The following AKAP12 variants were observed in gnomAD, a reference collection of about 807,000 sequenced individuals.
AKAP12 encodes the protein A-kinase anchoring protein 12.
A neutral mutation model predicts 79.9 loss-of-function variants in AKAP12; 32 were observed. That is an observed-to-expected ratio of 0.40 (90% CI 0.30 to 0.54). The LOEUF (loss-of-function observed/expected upper bound fraction) is 0.54, where lower values mean the gene tolerates loss of function less well. Ranked by LOEUF, AKAP12 falls within the 20% of genes least tolerant of loss-of-function variation. The pLI, the probability that AKAP12 is intolerant of heterozygous loss-of-function variation, is 0.48. For missense variants in AKAP12, 2,074 were observed against 2,177.0 expected, an observed-to-expected ratio of 0.95 and a Z score of 0.94; for synonymous variants, 808 against 857.0, an observed-to-expected ratio of 0.94 and a Z score of 1.00.
rs190892083 is a variant in AKAP12 at position 151,301,264 on chromosome 6, G to A, written c.163-4483G>A. Among the ~76,000 whole-genome samples the A allele has an allele frequency of 2.8e-4, 42 of 152,304 alleles. 1 individual carries two copies. Among genetic ancestry groups the A allele is most frequent in the Non-Finnish European group, 1.3e-4 (9 of 68,026 alleles). ...ATTTGAGTTGCAGACAGGAGAGACT[G>A]ATTGAAGTTAAGCAAGGTGCGTGTT... On this transcript the variant is annotated intron_variant, in intron 2 of 4. Transcript: ENST00000402676.
In AKAP12 at chr6:151,339,371, A is replaced by G. The variant is rs78705216; in HGVS notation, c.320-9340A>G. Among the ~76,000 whole-genome samples, 1,051 of 152,284 alleles carry G rather than the reference A, an allele frequency of 6.9e-3. 13 individuals are homozygous for G. The highest frequency in any genetic ancestry group is 0.024 in the Middle Eastern group (7 of 294). On this transcript the variant is annotated intron_variant, in intron 3 of 4. Transcript: ENST00000402676. ...AGCCAGCCTTTGGCCCTCCTGAGAT[A>G]CCACACACCTATATGACGTTGGTCA...
chr6:151,310,231 G>A (rs1453783137), intron 3 of AKAP12, among the ~76,000 whole-genome samples: 1 of 152,070 alleles, frequency 6.6e-6, no homozygotes, highest in African/African-American at 2.4e-5. Context: ...GGGCGTGGAT[G>A]GCAGATGCCT....
Position 151,352,121 on chromosome 6 carries a change from G to A in AKAP12, c.3730G>A (p.Glu1244Lys), listed in dbSNP as rs775378814. ...ACAATCAAAGATGGAAGACACTCTA[G>A]AGCATACAGATAAAGAGGTGTCAGT... is the stretch of plus-strand genomic sequence containing the variant. ...KEQSKMEDTL[E>K]HTDKEVSVET... Residue 1244 changes from glutamate (E) to lysine (K), a missense_variant, in exon 4 of 5, where the codon GAG becomes AAG. Physicochemically the swap from Glu to Lys is moderately conservative, Grantham distance 56 (BLOSUM62 1). Coordinates refer to ENST00000402676, the MANE Select transcript of AKAP12 (RefSeq NM_005100.4). 15 of 1,614,142 alleles carry A rather than the reference G, an allele frequency of 9.3e-6. No individual in the cohort carries two copies. Among genetic ancestry groups the A allele is most frequent in the Non-Finnish European group, 1.3e-5 (15 of 1,180,020 alleles).
intron 2 of AKAP12, among the ~76,000 whole-genome samples, chr6:151,244,702 A>G (rs1377912130): frequency 1.3e-5 from 2 of 152,238 alleles, no homozygotes; most frequent in East Asian, 3.8e-4. Context: ...AATTTAAGGC[A>G]AGAATTATAT....
At chr6:151,324,090 G>A (rs1249572099) in intron 3 of AKAP12, 16 of 985,230 alleles carry the variant, frequency 1.6e-5, no homozygotes, top group Middle Eastern at 5.2e-4. Flanking sequence ...CCAGAAGGAT[G>A]GTCAGTACCA....
At chr6:151,287,610 G>A (rs891816703) in intron 2 of AKAP12, among the ~76,000 whole-genome samples, 1 of 152,170 alleles carries the variant, frequency 6.6e-6, no homozygotes, top group African/African-American at 2.4e-5. Flanking sequence ...CTTTTACACC[G>A]TTGGTCGGAG....
chr6:151,264,640 C>T (rs1480338784), intron 2 of AKAP12, among the ~76,000 whole-genome samples: 2 of 146,846 alleles, frequency 1.4e-5, no homozygotes, highest in African/African-American at 5.0e-5. Flanking sequence ...CACTGAACTC[C>T]AGCCTGGGTG....
intron 2 of AKAP12, among the ~76,000 whole-genome samples, chr6:151,282,254 C>A (rs1237662143): frequency 6.6e-6 from 1 of 151,966 alleles, no homozygotes; most frequent in Non-Finnish European, 1.5e-5. Context: ...GGACTACAGG[C>A]GCGTGCCACC....
chr6:151,281,827 A>C (rs1333487339), intron 2 of AKAP12, among the ~76,000 whole-genome samples: 1 of 151,808 alleles, frequency 6.6e-6, no homozygotes, highest in African/African-American at 2.4e-5. Flanking sequence ...CTAGGAATAC[A>C]GGCCTACACC....
chr6:151,349,210 A>G lies in AKAP12; in HGVS notation c.819A>G (p.Gln273=), dbSNP rs1345877578. 1 of 1,613,954 alleles carries G rather than the reference A, an allele frequency of 6.2e-7. No homozygotes were observed. Among genetic ancestry groups the G allele is most frequent in the South Asian group, 1.1e-5 (1 of 91,084 alleles). ...GCAAAGAGGAAGGAGAAGAGAAACAAGAAAAAGAACCTAGCAAGTCTGCAG... is the reference window on the plus strand; with the variant it reads ...GCAAAGAGGAAGGAGAAGAGAAACAGGAAAAAGAACCTAGCAAGTCTGCAG... ...EECKEEGEEK[Q]EKEPSKSAES... Residue 273 remains glutamine (Q), a synonymous_variant, in exon 4 of 5, where the codon CAA becomes CAG. Coordinates refer to ENST00000402676, the MANE Select transcript of AKAP12 (RefSeq NM_005100.4).
chr6:151,298,189 G>T (rs535548341), intron 2 of AKAP12, among the ~76,000 whole-genome samples: 3 of 152,050 alleles, frequency 2.0e-5, no homozygotes, highest in Non-Finnish European at 4.4e-5. Flanking sequence ...GGCGGCCCTC[G>T]TCCATTTAGA....
chr6:151,300,666 C>T (rs1372567293), intron 2 of AKAP12, among the ~76,000 whole-genome samples: 1 of 151,592 alleles, frequency 6.6e-6, no homozygotes, highest in East Asian at 1.9e-4. Context: ...GGTTGTTGTT[C>T]TTACAGAAAT....
intron 3 of AKAP12, among the ~76,000 whole-genome samples, chr6:151,342,669 C>CT (rs1418630985): frequency 2.6e-5 from 4 of 152,188 alleles, no homozygotes; most frequent in African/African-American, 9.7e-5. Context: ...TAAAATTTTT[C>CT]TATATACATT....
chr6:151,354,198 T>A (rs550399311), intron 4 of AKAP12, among the ~76,000 whole-genome samples: 11 of 151,542 alleles, frequency 7.3e-5, no homozygotes, highest in Non-Finnish European at 1.6e-4. Context: ...AATGGGCTAA[T>A]ATTAAACTGC....
At chr6:151,305,633 TC>T (rs906150322) in intron 2 of AKAP12, 113 bp from the exon 3 acceptor site, 3 of 1,069,286 alleles carry the variant, frequency 2.8e-6, no homozygotes, top group South Asian at 3.5e-5. Flanking sequence ...TTTTTGAACT[TC>T]CTTTTCTCTG....
rs900654 is a variant in AKAP12, at chr6:151,349,762, T to C, written c.1371T>C (p.Ala457=). 1,242,631 of 1,613,870 alleles carry C rather than the reference T, an allele frequency of 0.77. 479,814 individuals carry two copies. Among genetic ancestry groups the C allele is most frequent in the Admixed American group, 0.8 (47,936 of 59,992 alleles). ...AAATGGATGCAGAACCTCAGGAAGC[T>C]GAACCTGCCAAGGAGCTGGTGAAGC... ...LVEMDAEPQE[A]EPAKELVKLK... is the part of the protein sequence containing the mutation. Residue 457 remains alanine (A), a synonymous_variant, in exon 4 of 5, where the codon GCT becomes GCC. Transcript: ENST00000402676.
At chr6:151,288,194 C>A (rs1341625335) in intron 2 of AKAP12, among the ~76,000 whole-genome samples, 1 of 149,298 alleles carries the variant, frequency 6.7e-6, no homozygotes, top group East Asian at 1.9e-4. Flanking sequence ...GGACATGTAT[C>A]CCAGAACTTA....
intron 3 of AKAP12, among the ~76,000 whole-genome samples, chr6:151,343,407 T>C (rs1195894010): frequency 6.6e-6 from 1 of 152,222 alleles, no homozygotes; most frequent in Non-Finnish European, 1.5e-5. Context: ...CTTTTTTCTC[T>C]AGTATATTTC....
chr6:151,324,863 T>G, intron 3 of AKAP12: 1 of 985,454 alleles, frequency 1.0e-6, no homozygotes, highest in Non-Finnish European at 1.2e-6. Flanking sequence ...ATTGAAGTAT[T>G]CTAGGGCTGC....
Sources: gnomAD v4.1 joint callset for allele counts (sites outside exome capture counted in the v4.1 genomes callset) on GRCh38, gnomAD v4.1.1 for gene constraint, MANE v1.5 for transcripts, NCBI Gene and HGNC (gene_info 2026-07-23, HGNC 2026-07-21) for gene names.